Variants in DPYSL2 observed in about 807,000 individuals in gnomAD.
DPYSL2 encodes dihydropyrimidinase-related protein 2.
Under a neutral mutation model 69.9 loss-of-function variants are expected in DPYSL2, and 13 were observed. The observed-to-expected ratio is 0.19, with a 90% CI of 0.12 to 0.30. The LOEUF is 0.30. DPYSL2 is among the 10% of genes least tolerant of loss of function. The pLI is 1.00. For synonymous variants in DPYSL2, 326 were observed against 359.1 expected (o/e 0.91, Z 1.04); for missense variants, 587 against 918.9 (o/e 0.64, Z 4.67).
chr8:26,559,342 A>T (rs1801038551), intron 1 of DPYSL2, among the ~76,000 whole-genome samples: 1 of 152,238 alleles, frequency 6.6e-6, no homozygotes, highest in South Asian at 2.1e-4. Flanking sequence ...TTCTGTATCA[A>T]GAATTATGCA....
At chr8:26,628,172 T>G (rs1487741018) in intron 7 of DPYSL2, among the ~76,000 whole-genome samples, 1 of 152,246 alleles carries the variant, frequency 6.6e-6, no homozygotes, top group African/African-American at 2.4e-5. Context: ...GATTCTTCTT[T>G]CTGTCTGTAA....
chr8:26,647,557 T>A lies in DPYSL2; in HGVS notation c.1426-73T>A. The A allele has an allele frequency of 6.8e-7, 1 of 1,471,090 alleles. No homozygotes were observed. Among genetic ancestry groups the A allele is most frequent in the Non-Finnish European group, 9.2e-7 (1 of 1,087,124 alleles). The allele number at this position is 1,471,090 out of a possible 1,614,324, so 91.1% of individuals were successfully genotyped here. On this transcript the variant is annotated intron_variant, in intron 10 of 13. Transcript: ENST00000521913. The surrounding 1 kb of genome is among the most constrained non-coding windows in gnomAD (Gnocchi z 5.1). Reference sequence around the variant, plus strand: ...TAAGCTGTCGTGTGTATCAATAGTTTGTTATTGAAAAGTAACTTTTTAACT... The same window carrying A: ...TAAGCTGTCGTGTGTATCAATAGTTAGTTATTGAAAAGTAACTTTTTAACT...
intron 1 of DPYSL2, among the ~76,000 whole-genome samples, chr8:26,525,246 G>T (rs773668696): frequency 1.2e-4 from 18 of 152,112 alleles, no homozygotes; most frequent in Non-Finnish European, 2.5e-4. Context: ...TTGAGACAGG[G>T]TTTTACTCTG....
At chr8:26,646,646 T>C (rs1803171400) in intron 10 of DPYSL2, among the ~76,000 whole-genome samples, 1 of 152,146 alleles carries the variant, frequency 6.6e-6, no homozygotes, top group Non-Finnish European at 1.5e-5. Context: ...GAAATGTGAT[T>C]GGCACCTAAA....
intron 1 of DPYSL2, among the ~76,000 whole-genome samples, chr8:26,524,801 C>CAAAAA (rs753822230): frequency 2.4e-4 from 10 of 41,110 alleles, no homozygotes; most frequent in East Asian, 1.0e-3. Flanking sequence ...GACTCTGTCT[C>CAAAAA]AAAAAAAAAA....
intron 1 of DPYSL2, among the ~76,000 whole-genome samples, chr8:26,545,956 G>A (rs115296426): frequency 1.1e-4 from 17 of 152,080 alleles, no homozygotes; most frequent in Admixed American, 3.3e-4. Flanking sequence ...TCAATTTCAC[G>A]TTGCCTATTC....
rs1362016652 is a variant in DPYSL2 at position 26,620,645 on chromosome 8, T to G, written c.629-3498T>G. On this transcript the variant is annotated intron_variant, in intron 3 of 13. Transcript: ENST00000521913. The surrounding 1 kb of genome is among the most constrained non-coding windows in gnomAD (Gnocchi z 4.5). ...TTAAAACATTATTAGATATGTTATC[T>G]AGTAATAATAATGATAAAGTATTTT... Among the ~76,000 whole-genome samples, 1 of 152,202 alleles carries G rather than the reference T, an allele frequency of 6.6e-6. No individual in the cohort carries two copies. The highest frequency in any genetic ancestry group is 1.5e-5 in the Non-Finnish European group (1 of 68,032).
Position 26,655,722 on chromosome 8 carries a change from C to T in DPYSL2, c.*16C>T, listed in dbSNP as rs771222458. On this transcript the variant is annotated 3_prime_UTR_variant, in exon 14 of 14. Transcript: ENST00000521913. Reference sequence around the variant, plus strand: ...CCTGGGCTAGAGCTCCTGGGCTGTGCCGTCCACTGGGGACTGGGGATGGGA... The same window carrying T: ...CCTGGGCTAGAGCTCCTGGGCTGTGTCGTCCACTGGGGACTGGGGATGGGA... 32 of 1,589,014 alleles carry T rather than the reference C, an allele frequency of 2.0e-5. No individual in the cohort carries two copies. The highest frequency in any genetic ancestry group is 2.1e-5 in the Non-Finnish European group (24 of 1,168,632).
intron 1 of DPYSL2, among the ~76,000 whole-genome samples, chr8:26,550,170 C>G (rs771349191): frequency 6.6e-6 from 1 of 152,180 alleles, no homozygotes; most frequent in Non-Finnish European, 1.5e-5. Context: ...TGGGAATACT[C>G]TGCTGTAAGG....
chr8:26,561,883 G>A (rs1214937801), intron 1 of DPYSL2, among the ~76,000 whole-genome samples: 2 of 152,146 alleles, frequency 1.3e-5, no homozygotes, highest in African/African-American at 4.8e-5. Flanking sequence ...ACCTCCTACT[G>A]TGAGGCCCAG....
chr8:26,544,968 A>G (rs1800742166), intron 1 of DPYSL2, among the ~76,000 whole-genome samples: 1 of 152,218 alleles, frequency 6.6e-6, no homozygotes, highest in African/African-American at 2.4e-5. Context: ...TAACAATATA[A>G]CAATCATATA....
At position 26,643,968 on chromosome 8, in the gene DPYSL2, G is replaced by A. The variant is rs770601728; in HGVS notation, c.1302G>A (p.Thr434=). 26 of 1,613,992 alleles carry A rather than the reference G, an allele frequency of 1.6e-5. No individual in the cohort carries two copies. Among genetic ancestry groups the A allele is most frequent in the Admixed American group, 5.0e-5 (3 of 59,998 alleles). The change falls in exon 10 of 14, where the codon ACG becomes ACA. Residue 434 remains threonine, a synonymous_variant. Transcript: ENST00000521913. This position sits in a 1 kb window ranked among gnomAD's most constrained non-coding sequence, Gnocchi z 6.5. ...SLLSCGDLQV[T]GSAHCTFNTA... The stretch of plus-strand genomic sequence containing the variant: ...TTTGCAGTGGAGACCTCCAGGTCAC[G>A]GGCAGTGCCCATTGCACGTTTAACA...
intron 3 of DPYSL2, among the ~76,000 whole-genome samples, chr8:26,603,287 C>T (rs943814753): frequency 2.6e-5 from 4 of 152,158 alleles, no homozygotes; most frequent in East Asian, 1.9e-4. Flanking sequence ...ATTCTCCTGC[C>T]TCAGCCTTCT....
At position 26,653,350 on chromosome 8, in the gene DPYSL2, A is replaced by C. The variant is rs1803318114; in HGVS notation, c.1895A>C (p.Gln632Pro). Residue 632 changes from glutamine to proline, a missense_variant, in exon 13 of 14, where the codon CAG becomes CCG. By Grantham distance (76) the Gln-to-Pro change is moderately conservative (BLOSUM62 -1). This residue lies in a region of DPYSL2 where 452 missense variants were observed against 754.3 expected (regional missense o/e 0.60). Transcript: ENST00000521913. This position sits in a 1 kb window ranked among gnomAD's most constrained non-coding sequence, Gnocchi z 5.7. Reference sequence around the variant, plus strand: ...GCCAAGACGTCTCCTGCCAAGCAGCAGGCCCCACCTGTCCGGAACCTGCAC... The same window carrying C: ...GCCAAGACGTCTCCTGCCAAGCAGCCGGCCCCACCTGTCCGGAACCTGCAC... ...SSAKTSPAKQ[Q>P]APPVRNLHQS... The C allele has an allele frequency of 6.2e-7, 1 of 1,613,962 alleles. No homozygotes were observed. The highest frequency in any genetic ancestry group is 1.1e-5 in the South Asian group (1 of 91,078).
chr8:26,569,749 T>C (rs1217910350), intron 1 of DPYSL2, among the ~76,000 whole-genome samples: 2 of 151,996 alleles, frequency 1.3e-5, no homozygotes, highest in Non-Finnish European at 2.9e-5. Flanking sequence ...AGGGAGGTCA[T>C]GGAGGGCCTC....
In DPYSL2 at chr8:26,516,973, T is replaced by G. The variant is rs1370280784; in HGVS notation, c.354+2294T>G. ...AGCTCAACTGGCCCACCATTTTGAC[T>G]GAGTTGACTTGTCATTAGTTGGTTT... On this transcript the variant is annotated intron_variant, in intron 1 of 13. Coordinates refer to ENST00000521913, the MANE Select transcript of DPYSL2 (RefSeq NM_001197293.3). This position sits in a 1 kb window ranked among gnomAD's most constrained non-coding sequence, Gnocchi z 4.8. 6.6e-6 allele frequency among the ~76,000 whole-genome samples: 1 copy of G among 152,240 alleles called. No individual in the cohort carries two copies. The highest frequency in any genetic ancestry group is 1.5e-5 in the Non-Finnish European group (1 of 68,048).
rs1801785444 is a variant in DPYSL2 at position 26,593,398 on chromosome 8, T to C, written c.628+9415T>C. Among the ~76,000 whole-genome samples the C allele has an allele frequency of 3.9e-5, 6 of 152,208 alleles. 1 individual carries two copies. The South Asian group carries it at 1.2e-3, about 31-fold the overall frequency. The stretch of plus-strand genomic sequence containing the variant: ...TAAGAATCATGGATCCCAGTGCTTG[T>C]TCTGATAGTTGGACTTCTGTTGAAA... On this transcript the variant is annotated intron_variant, in intron 3 of 13. Transcript: ENST00000521913. The surrounding 1 kb of genome is among the most constrained non-coding windows in gnomAD (Gnocchi z 5.7).
At position 26,641,358 on chromosome 8, in the gene DPYSL2, G is replaced by T. The variant is rs1420852212; in HGVS notation, c.1127-2081G>T. Among the ~76,000 whole-genome samples, 1 of 152,220 alleles carries T rather than the reference G, an allele frequency of 6.6e-6. No individual in the cohort carries two copies. Among genetic ancestry groups the T allele is most frequent in the Non-Finnish European group, 1.5e-5 (1 of 68,044 alleles). Reference sequence around the variant, plus strand: ...TGACTTACACAGCCCTCACCTTTGTGCTTAGATGGACTGTGGCCAGCGGGA... The same window carrying T: ...TGACTTACACAGCCCTCACCTTTGTTCTTAGATGGACTGTGGCCAGCGGGA... On this transcript the variant is annotated intron_variant, in intron 8 of 13. Coordinates refer to ENST00000521913, the MANE Select transcript of DPYSL2 (RefSeq NM_001197293.3). This position sits in a 1 kb window ranked among gnomAD's most constrained non-coding sequence, Gnocchi z 4.1.
At chr8:26,559,853 C>T (rs1424169835) in intron 1 of DPYSL2, among the ~76,000 whole-genome samples, 3 of 152,204 alleles carry the variant, frequency 2.0e-5, no homozygotes, top group African/African-American at 7.2e-5. Flanking sequence ...CTTTTATACT[C>T]TGGCTTGCAT....
Sources: gnomAD v4.1 joint callset for allele counts (sites outside exome capture counted in the v4.1 genomes callset) on GRCh38, gnomAD v4.1.1 for gene constraint, gnomAD v4.1.1 regional missense constraint, Gnocchi (gnomAD v3.1) non-coding constraint, MANE v1.5 for transcripts, NCBI Gene and HGNC (gene_info 2026-07-23, HGNC 2026-07-21) for gene names.